CATSPERB: variants seen among roughly 807,000 people sequenced by gnomAD.
The protein encoded by CATSPERB is catsper channel auxiliary subunit beta.
A neutral mutation model predicts 128.3 loss-of-function variants in CATSPERB; 93 were observed. The ratio of observed to expected loss-of-function variants is 0.72; its 90% confidence interval spans 0.61 to 0.86. The LOEUF (loss-of-function observed/expected upper bound fraction) is 0.86. CATSPERB is among the 40% of genes least tolerant of loss of function. The pLI, the probability that CATSPERB is intolerant of heterozygous loss-of-function variation, is 0.00. For missense variants in CATSPERB, 1,153 were observed against 1,329.5 expected, an observed-to-expected ratio of 0.87 and a Z score of 2.06; for synonymous variants, 381 against 448.8, an observed-to-expected ratio of 0.85 and a Z score of 1.91.
Position 91,580,930 on chromosome 14 carries a change from A to G in CATSPERB, c.3310T>C (p.Ser1104Pro). 2.5e-6 allele frequency: 4 copies of G among 1,614,208 alleles called. No individual in the cohort carries two copies. The highest frequency in any genetic ancestry group is 2.5e-6 in the Non-Finnish European group (3 of 1,180,018). Residue 1104 changes from serine (S) to proline (P), a missense_variant, in exon 27 of 27, where the codon TCT becomes CCT. By Grantham distance (74) the Ser-to-Pro change is moderately conservative. Transcript: ENST00000256343. ...RRNQEKFSSISLSELIHRSKS... is the reference protein window; with the variant it reads ...RRNQEKFSSIPLSELIHRSKS... ...GATCTATGAATCAGCTCACTGAGAG[A>G]GATACTTGAAAACTTCTCTTGGTTT...
chr14:91,662,702 C>A (rs1268314859), intron 14 of CATSPERB, among the ~76,000 whole-genome samples: 1 of 152,170 alleles, frequency 6.6e-6, no homozygotes, highest in African/African-American at 2.4e-5. Context: ...CCTACACTTT[C>A]AACATTTTGT....
chr14:91,665,142 C>T (rs909871562), intron 14 of CATSPERB, among the ~76,000 whole-genome samples: 10 of 152,244 alleles, frequency 6.6e-5, no homozygotes, highest in Middle Eastern at 6.8e-3. Flanking sequence ...ATCCACTCAC[C>T]TTGACATCCC....
At chr14:91,702,862 T>A (rs1231250558) in intron 7 of CATSPERB, among the ~76,000 whole-genome samples, 2 of 152,038 alleles carry the variant, frequency 1.3e-5, no homozygotes, top group African/African-American at 4.8e-5. Context: ...TTTGGTCTTT[T>A]TTTATGACCT....
intron 23 of CATSPERB, among the ~76,000 whole-genome samples, chr14:91,591,044 A>G (rs1043948308): frequency 3.3e-5 from 5 of 151,904 alleles, no homozygotes; most frequent in Non-Finnish European, 5.9e-5. Context: ...TGAAAGATAT[A>G]CCAACTGCAT....
chr14:91,606,171 G>A (rs144471822), intron 22 of CATSPERB, among the ~76,000 whole-genome samples: 11 of 151,864 alleles, frequency 7.2e-5, no homozygotes, highest in South Asian at 2.1e-4. Context: ...GCAAGACTCC[G>A]TCTCAAACAA....
intron 20 of CATSPERB, among the ~76,000 whole-genome samples, chr14:91,612,496 T>C (rs889587255): frequency 1.3e-5 from 2 of 152,290 alleles, no homozygotes; most frequent in Non-Finnish European, 2.9e-5. Context: ...GTAATCACTG[T>C]ATTTCATAAA....
At chr14:91,606,823 G>C (rs1017298571) in intron 22 of CATSPERB, among the ~76,000 whole-genome samples, 3 of 152,082 alleles carry the variant, frequency 2.0e-5, no homozygotes, top group African/African-American at 7.2e-5. Context: ...TAAAAGATGG[G>C]GTAGTAATCA....
At chr14:91,635,791 A>C (rs568709177) in intron 17 of CATSPERB, 4 of 152,370 alleles carry the variant, frequency 2.6e-5, no homozygotes, top group Admixed American at 2.6e-4. Context: ...CCTCCACTAC[A>C]TTAAATGTGT....
chr14:91,701,750 G>T (rs1374642511), intron 7 of CATSPERB, among the ~76,000 whole-genome samples: 1 of 151,906 alleles, frequency 6.6e-6, no homozygotes, highest in Non-Finnish European at 1.5e-5. Context: ...ACAAGGCCTC[G>T]CAAAGGAACT....
At chr14:91,583,430 T>A (rs12885413) in intron 26 of CATSPERB, among the ~76,000 whole-genome samples, 42,236 of 151,412 alleles carry the variant, frequency 0.28, 6,372 homozygotes, top group Non-Finnish European at 0.35. Flanking sequence ...AAAAAAAAAA[T>A]TTTCACTTGC....
intron 19 of CATSPERB, among the ~76,000 whole-genome samples, chr14:91,621,206 A>G (rs1306564952): frequency 1.3e-5 from 2 of 152,196 alleles, no homozygotes; most frequent in Non-Finnish European, 2.9e-5. Flanking sequence ...GTTTGAGAGC[A>G]GCCTGGCCAA....
At chr14:91,594,915 A>G (rs566401462) in intron 22 of CATSPERB, among the ~76,000 whole-genome samples, 2 of 152,318 alleles carry the variant, frequency 1.3e-5, no homozygotes, top group South Asian at 4.1e-4. Context: ...GGTTTTAAGA[A>G]AGCACAGCTT....
chr14:91,616,853 T>A (rs1184374533), intron 20 of CATSPERB, among the ~76,000 whole-genome samples: 2 of 148,714 alleles, frequency 1.3e-5, no homozygotes, highest in Non-Finnish European at 3.0e-5. Context: ...GTGATTCTCC[T>A]GCCTCAGCCT....
At chr14:91,674,863 G>A (rs543594987) in intron 11 of CATSPERB, among the ~76,000 whole-genome samples, 1 of 152,278 alleles carries the variant, frequency 6.6e-6, no homozygotes, top group Non-Finnish European at 1.5e-5. Context: ...CACTGGGACA[G>A]GACACACAGA....
intron 15 of CATSPERB, among the ~76,000 whole-genome samples, chr14:91,656,617 A>C (rs544739835): frequency 6.6e-6 from 1 of 152,232 alleles, no homozygotes; most frequent in South Asian, 2.1e-4. Context: ...ACCACAAAAC[A>C]ATCAGAAAAA....
chr14:91,621,995 A>T, intron 18 of CATSPERB, 58 bp from the exon 19 acceptor site: 6 of 1,151,800 alleles, frequency 5.2e-6, no homozygotes, highest in Non-Finnish European at 7.3e-6. Flanking sequence ...TTTGCCAAAC[A>T]AACTGATGTA....
intron 4 of CATSPERB, among the ~76,000 whole-genome samples, chr14:91,719,987 GCTAAAA>G: frequency 6.6e-6 from 1 of 152,190 alleles, no homozygotes; most frequent in South Asian, 2.1e-4. Flanking sequence ...AGCAGTGCAA[GCTAAAA>G]GAATTGAGTA....
At chr14:91,690,825 G>C (rs1349333838) in intron 10 of CATSPERB, among the ~76,000 whole-genome samples, 2 of 152,248 alleles carry the variant, frequency 1.3e-5, no homozygotes, top group African/African-American at 4.8e-5. Flanking sequence ...TCAGTGCCTG[G>C]CGAGGGCCAC....
intron 22 of CATSPERB, among the ~76,000 whole-genome samples, chr14:91,599,025 A>C (rs1349613796): frequency 6.6e-6 from 1 of 152,104 alleles, no homozygotes; most frequent in African/African-American, 2.4e-5. Flanking sequence ...TCCCAAAACA[A>C]ACCTCCTTAT....
Sources: gnomAD v4.1 joint callset for allele counts (sites outside exome capture counted in the v4.1 genomes callset) on GRCh38, gnomAD v4.1.1 for gene constraint, MANE v1.5 for transcripts, NCBI Gene and HGNC (gene_info 2026-07-23, HGNC 2026-07-21) for gene names.